ATRNL1: variants seen among roughly 807,000 people sequenced by gnomAD.
ATRNL1 encodes the protein attractin like 1.
A neutral mutation model predicts 182.7 loss-of-function variants in ATRNL1; 95 were observed. The observed-to-expected ratio is 0.52, with a 90% CI of 0.44 to 0.62. The LOEUF is 0.62. Ranked by LOEUF, ATRNL1 falls within the 20% of genes least tolerant of loss-of-function variation. The pLI is 0.00. For synonymous variants in ATRNL1, 576 were observed against 568.3 expected (o/e 1.01, Z -0.19); for missense variants, 1,471 against 1,679.5 (o/e 0.88, Z 2.17).
intron 28 of ATRNL1, among the ~76,000 whole-genome samples, chr10:115,940,540 G>C (rs999800866): frequency 2.0e-5 from 3 of 152,142 alleles, no homozygotes; most frequent in Non-Finnish European, 1.5e-5. Flanking sequence ...GAATATAACT[G>C]CTACATTTAG....
chr10:115,695,647 AC>A (rs1946533514), intron 26 of ATRNL1, among the ~76,000 whole-genome samples: 1 of 152,148 alleles, frequency 6.6e-6, no homozygotes, highest in African/African-American at 2.4e-5. Flanking sequence ...CAAAGAAAAT[AC>A]TAAGGATATT....
chr10:115,561,682 T>TGTGTGG (rs1554999679), intron 26 of ATRNL1, among the ~76,000 whole-genome samples: 8 of 53,050 alleles, frequency 1.5e-4, no homozygotes, highest in Non-Finnish European at 3.7e-4. Flanking sequence ...TGTGTGTGTG[T>TGTGTGG]GTGTGTGGGT....
chr10:115,326,390 C>T (rs2134048142), intron 18 of ATRNL1, among the ~76,000 whole-genome samples: 1 of 152,246 alleles, frequency 6.6e-6, no homozygotes, highest in African/African-American at 2.4e-5. Context: ...CATGAAGGAA[C>T]TCTTCAAGGA....
intron 27 of ATRNL1, among the ~76,000 whole-genome samples, chr10:115,732,761 G>A (rs550944036): frequency 3.3e-5 from 5 of 152,098 alleles, no homozygotes; most frequent in African/African-American, 2.4e-5. Flanking sequence ...GCTGATTTTC[G>A]TTCAAATTGA....
At chr10:115,427,118 T>G (rs1360924650) in intron 21 of ATRNL1, among the ~76,000 whole-genome samples, 1 of 152,192 alleles carries the variant, frequency 6.6e-6, no homozygotes, top group Admixed American at 6.5e-5. Context: ...TTTCAGTTCT[T>G]CCACATTTCA....
chr10:115,264,580 C>T (rs550142782), intron 10 of ATRNL1, among the ~76,000 whole-genome samples: 1 of 151,298 alleles, frequency 6.6e-6, no homozygotes, highest in East Asian at 1.9e-4. Flanking sequence ...TGAAATAATA[C>T]ACATTTTTCT....
intron 26 of ATRNL1, among the ~76,000 whole-genome samples, chr10:115,561,961 C>T (rs150828551): frequency 6.6e-6 from 1 of 152,104 alleles, no homozygotes; most frequent in South Asian, 2.1e-4. Flanking sequence ...TAGTGTAATA[C>T]ACTCTGACAA....
At chr10:115,649,153 C>T (rs868991429) in intron 26 of ATRNL1, among the ~76,000 whole-genome samples, 8 of 152,114 alleles carry the variant, frequency 5.3e-5, no homozygotes, top group Non-Finnish European at 1.0e-4. Flanking sequence ...ATTTATTTGT[C>T]GCTTTAATTA....
Position 115,373,824 on chromosome 10 carries a change from A to G in ATRNL1, c.3176-20835A>G, listed in dbSNP as rs192959782. On this transcript the variant is annotated intron_variant, in intron 19 of 28. Transcript: ENST00000355044. ...TGTTTATTAGAGATATTGACTGGTA[A>G]TTTCTTTTATCTTAGTGTTCTTTTC... Among the ~76,000 whole-genome samples the G allele has an allele frequency of 1.9e-3, 292 of 151,734 alleles. 1 individual carries two copies. The highest frequency in any genetic ancestry group is 7.1e-3 in the South Asian group (34 of 4,820).
intron 17 of ATRNL1, among the ~76,000 whole-genome samples, chr10:115,303,932 A>G (rs901806026): frequency 3.9e-5 from 6 of 152,196 alleles, no homozygotes; most frequent in African/African-American, 1.2e-4. Flanking sequence ...TTCCCTCTCT[A>G]TACAGGAATT....
intron 27 of ATRNL1, among the ~76,000 whole-genome samples, chr10:115,837,741 G>T (rs748029764): frequency 9.2e-5 from 14 of 152,044 alleles, no homozygotes; most frequent in South Asian, 2.1e-4. Flanking sequence ...TAGAATACTC[G>T]TGCCATACTT....
chr10:115,206,551 A>T (rs1360166747), intron 8 of ATRNL1, among the ~76,000 whole-genome samples: 1 of 151,870 alleles, frequency 6.6e-6, no homozygotes, highest in Non-Finnish European at 1.5e-5. Context: ...GAACACAATA[A>T]ATTGTTCTAG....
chr10:115,699,793 G>A (rs548400298), intron 26 of ATRNL1, among the ~76,000 whole-genome samples: 2 of 152,262 alleles, frequency 1.3e-5, no homozygotes, highest in Non-Finnish European at 2.9e-5. Context: ...CGTCATCGAA[G>A]TAGTGAGCAT....
rs150280089 is a variant in ATRNL1, at chr10:115,215,025, A to G, written c.1349-672A>G. Among the ~76,000 whole-genome samples the G allele has an allele frequency of 4.2e-3, 634 of 152,302 alleles. 1 individual carries two copies. Among genetic ancestry groups the G allele is most frequent in the Middle Eastern group, 0.01 (3 of 294 alleles). ...TTTTGCTACTGAGCAGGGAATACCTATTAAGCCAGCACTGCCATTACTTAC... is the reference window on the plus strand; with the variant it reads ...TTTTGCTACTGAGCAGGGAATACCTGTTAAGCCAGCACTGCCATTACTTAC... On this transcript the variant is annotated intron_variant, in intron 8 of 28. Coordinates refer to ENST00000355044, the MANE Select transcript of ATRNL1 (RefSeq NM_207303.4).
chr10:115,729,896 C>G (rs1947736912), intron 27 of ATRNL1, among the ~76,000 whole-genome samples: 1 of 151,786 alleles, frequency 6.6e-6, no homozygotes, highest in African/African-American at 2.4e-5. Context: ...CTTTTGATAT[C>G]TAGTTGTTTG....
intron 28 of ATRNL1, among the ~76,000 whole-genome samples, chr10:115,881,950 C>A (rs1951835716): frequency 6.6e-6 from 1 of 152,202 alleles, no homozygotes. Flanking sequence ...TAAATGCATA[C>A]CACCTATCCT....
intron 16 of ATRNL1, among the ~76,000 whole-genome samples, chr10:115,301,039 G>A (rs1332929062): frequency 2.6e-5 from 4 of 151,994 alleles, no homozygotes; most frequent in African/African-American, 9.7e-5. Flanking sequence ...AATGTCTTTA[G>A]GGTTTAACCA....
At chr10:115,429,281 G>A (rs1374827750) in intron 21 of ATRNL1, among the ~76,000 whole-genome samples, 3 of 151,992 alleles carry the variant, frequency 2.0e-5, no homozygotes, top group Non-Finnish European at 4.4e-5. Flanking sequence ...TAACTTTGGT[G>A]AACGCTTACT....
chr10:115,370,971 G>T (rs1437423002), intron 19 of ATRNL1, among the ~76,000 whole-genome samples: 1 of 152,146 alleles, frequency 6.6e-6, no homozygotes, highest in Non-Finnish European at 1.5e-5. Context: ...TTGGTTCCCT[G>T]CATCCTAGCC....
Sources: gnomAD v4.1 joint callset for allele counts (sites outside exome capture counted in the v4.1 genomes callset) on GRCh38, gnomAD v4.1.1 for gene constraint, MANE v1.5 for transcripts, NCBI Gene and HGNC (gene_info 2026-07-23, HGNC 2026-07-21) for gene names.